The following COBLL1 variants were observed in gnomAD, a reference collection of about 807,000 sequenced individuals.
COBLL1 encodes cordon-bleu WH2 repeat protein like 1, also known as cordon-bleu protein-like 1.
COBLL1 carries 50 observed loss-of-function variants against 94.8 expected under a neutral mutation model. The observed-to-expected ratio is 0.53, with a 90% confidence interval of 0.42 to 0.67. COBLL1 has a LOEUF of 0.67. Ranked by LOEUF, COBLL1 falls within the 30% of genes least tolerant of loss-of-function variation. COBLL1 has a pLI of 0.00. For synonymous variants in COBLL1, 448 were observed against 473.8 expected (o/e 0.95, Z 0.71); for missense variants, 1,362 against 1,348.7 (o/e 1.01, Z -0.15).
At chr2:164,770,942 T>G (rs1375112954) in intron 2 of COBLL1, among the ~76,000 whole-genome samples, 1 of 152,132 alleles carries the variant, frequency 6.6e-6, no homozygotes, top group Non-Finnish European at 1.5e-5. Flanking sequence ...TTTACACATT[T>G]ACTTTTTGAT....
chr2:164,716,101 T>A (rs1371320811), intron 7 of COBLL1, among the ~76,000 whole-genome samples: 1 of 152,188 alleles, frequency 6.6e-6, no homozygotes, highest in Non-Finnish European at 1.5e-5. Context: ...TGGCCATTGA[T>A]TTTATTAAAT....
chr2:164,827,733 C>A (rs2105374975), intron 2 of COBLL1, among the ~76,000 whole-genome samples: 1 of 152,306 alleles, frequency 6.6e-6, no homozygotes. Context: ...ATGACTATTT[C>A]ACTCTCAAAC....
intron 2 of COBLL1, among the ~76,000 whole-genome samples, chr2:164,791,340 A>G (rs760075796): frequency 1.0e-3 from 153 of 146,808 alleles, no homozygotes; most frequent in Non-Finnish European, 1.9e-3. Flanking sequence ...GCCTTTAATG[A>G]CATGGTTAAA....
At chr2:164,818,788 A>ATATATATATATATATATATATATATATAT (rs1321512077) in intron 2 of COBLL1, among the ~76,000 whole-genome samples, 1 of 149,670 alleles carries the variant, frequency 6.7e-6, no homozygotes, top group Admixed American at 6.7e-5. Context: ...ATATACATAT[A>ATATATATATATATATATATATATATATAT]ATTTTTTTTC....
chr2:164,767,141 T>G (rs1250841916), intron 2 of COBLL1, among the ~76,000 whole-genome samples: 1 of 152,216 alleles, frequency 6.6e-6, no homozygotes, highest in East Asian at 1.9e-4. Context: ...GGGATGGAAT[T>G]CTACTCCAAG....
chr2:164,830,364 G>A (rs1041849135), intron 2 of COBLL1, among the ~76,000 whole-genome samples: 1 of 152,124 alleles, frequency 6.6e-6, no homozygotes, highest in Admixed American at 6.5e-5. Context: ...GAATGGATTT[G>A]GGTGATCAAA....
At chr2:164,736,016 T>C (rs1211698802) in intron 3 of COBLL1, among the ~76,000 whole-genome samples, 1 of 152,230 alleles carries the variant, frequency 6.6e-6, no homozygotes, top group Non-Finnish European at 1.5e-5. Context: ...CAGAATTTTT[T>C]CTCTTGTAAG....
chr2:164,774,682 T>C (rs1688375687), intron 2 of COBLL1, among the ~76,000 whole-genome samples: 1 of 152,192 alleles, frequency 6.6e-6, no homozygotes, highest in South Asian at 2.1e-4. Context: ...CTGTCTCTTA[T>C]ACAGCTCTAC....
At chr2:164,808,734 T>C (rs778443866) in intron 2 of COBLL1, among the ~76,000 whole-genome samples, 6 of 152,142 alleles carry the variant, frequency 3.9e-5, no homozygotes, top group Non-Finnish European at 8.8e-5. Flanking sequence ...TTTAAAAAAA[T>C]ACAACACTAT....
intron 3 of COBLL1, 90 bp from the exon 4 acceptor site, chr2:164,730,205 A>G (rs879486052): frequency 7.7e-6 from 9 of 1,162,996 alleles, no homozygotes; most frequent in Non-Finnish European, 1.1e-5. Flanking sequence ...TCTACAAGAT[A>G]GTTTTTGGAA....
At chr2:164,820,514 C>T (rs1162725612) in intron 2 of COBLL1, among the ~76,000 whole-genome samples, 1 of 152,166 alleles carries the variant, frequency 6.6e-6, no homozygotes. Flanking sequence ...AGTCACCGCG[C>T]CAGGCCTGCT....
chr2:164,757,819 T>TAAG lies in COBLL1; in HGVS notation c.42-13945_42-13944insCTT, dbSNP rs1454058712. ...AGTGAGACTCTGTCTCAAAAAATAATAATAATAATAATAAAATATTAAATT... is the reference window on the plus strand; with the variant it reads ...AGTGAGACTCTGTCTCAAAAAATAATAAGAATAATAATAATAAAATATTAAATT... On this transcript the variant is annotated intron_variant, in intron 2 of 13. Transcript: ENST00000652658. Among the ~76,000 whole-genome samples the TAAG allele has an allele frequency of 5.3e-5, 8 of 151,116 alleles. No homozygotes were observed. In the South Asian group the frequency reaches 1.5e-3, roughly 28 times the overall value.
chr2:164,667,155 T>A (rs1691172579), intron 1 of COBLL1, among the ~76,000 whole-genome samples: 1 of 152,138 alleles, frequency 6.6e-6, no homozygotes, highest in Non-Finnish European at 1.5e-5. Context: ...GGTGACTAGG[T>A]GCATTATCAA....
intron 2 of COBLL1, among the ~76,000 whole-genome samples, chr2:164,768,416 A>AT (rs374475798): frequency 0.24 from 35,947 of 148,382 alleles, 4,919 homozygotes; most frequent in African/African-American, 0.38. Context: ...ACATTATGAG[A>AT]TTTTTTTTTT....
At chr2:164,745,229 T>C (rs773999664) in intron 2 of COBLL1, among the ~76,000 whole-genome samples, 1 of 152,180 alleles carries the variant, frequency 6.6e-6, no homozygotes, top group Non-Finnish European at 1.5e-5. Flanking sequence ...GTGAAAAGAC[T>C]GAAGCAAGGT....
intron 2 of COBLL1, among the ~76,000 whole-genome samples, chr2:164,818,156 G>A (rs528030834): frequency 4.0e-5 from 6 of 150,088 alleles, no homozygotes; most frequent in South Asian, 2.1e-4. Flanking sequence ...ACATGTATAC[G>A]TGTATGTATA....
chr2:164,789,353 T>C (rs986327675), intron 2 of COBLL1, among the ~76,000 whole-genome samples: 1 of 152,234 alleles, frequency 6.6e-6, no homozygotes, highest in South Asian at 2.1e-4. Context: ...GTCATGTGTG[T>C]TTAGCCAGAT....
At position 164,687,743 on chromosome 2, in the gene COBLL1, A is replaced by T. The variant is rs141390807; in HGVS notation, c.3301-1711T>A. ...CAGCCATTGCACACTGGGCCCCCAT[A>T]AGGAAAGGAACTCAGTACACTTAAT... On this transcript the variant is annotated intron_variant, in intron 13 of 13. Coordinates refer to ENST00000652658, the MANE Select transcript of COBLL1 (RefSeq NM_001365672.2). 3,584 of 610,930 alleles carry T rather than the reference A, an allele frequency of 5.9e-3. 26 individuals carry two copies. The highest frequency in any genetic ancestry group is 0.022 in the African/African-American group (1,201 of 55,324). The allele number at this position is 610,930 out of a possible 1,614,324, so 37.8% of individuals were successfully genotyped here.
chr2:164,796,066 T>G (rs531520301), intron 2 of COBLL1, among the ~76,000 whole-genome samples: 50 of 152,298 alleles, frequency 3.3e-4, no homozygotes, highest in African/African-American at 1.1e-3. Context: ...CTATGTTGCC[T>G]AGATCTTGCT....
Sources: allele counts gnomAD v4.1 joint callset (sites outside exome capture counted in the v4.1 genomes callset), GRCh38; gene constraint gnomAD v4.1.1; transcripts MANE v1.5; gene names NCBI Gene and HGNC (gene_info 2026-07-23, HGNC 2026-07-21).